EVI5: variants seen among roughly 807,000 people sequenced by gnomAD.
EVI5 encodes ecotropic viral integration site 5 protein homolog.
A neutral mutation model predicts 112.0 loss-of-function variants in EVI5; 73 were observed. The observed-to-expected ratio is 0.65, with a 90% CI of 0.54 to 0.79. The LOEUF (loss-of-function observed/expected upper bound fraction) is 0.79, where lower values mean the gene tolerates loss of function less well. Among genes scored for constraint, EVI5 ranks in the 30% least tolerant of loss-of-function variants. EVI5 has a pLI of 0.00. For missense variants in EVI5, 900 were observed against 968.8 expected (o/e 0.93, Z 0.94); for synonymous variants, 305 against 319.9 (o/e 0.95, Z 0.50).
intron 19 of EVI5, among the ~76,000 whole-genome samples, chr1:92,517,589 T>C (rs755060203): frequency 2.6e-5 from 4 of 152,214 alleles, no homozygotes; most frequent in Non-Finnish European, 5.9e-5. Flanking sequence ...TATGTAGAAA[T>C]GGATGCGATC....
intron 19 of EVI5, among the ~76,000 whole-genome samples, chr1:92,554,303 G>A (rs988638201): frequency 1.3e-5 from 2 of 152,088 alleles, no homozygotes; most frequent in Admixed American, 6.6e-5. Flanking sequence ...TTAATATGTC[G>A]CCATTAAATG....
At chr1:92,535,373 A>G (rs1356300727) in intron 19 of EVI5, among the ~76,000 whole-genome samples, 1 of 152,208 alleles carries the variant, frequency 6.6e-6, no homozygotes, top group African/African-American at 2.4e-5. Context: ...ATCTAGAACT[A>G]GAAATACCAT....
At chr1:92,681,610 A>G (rs1294591261) in intron 9 of EVI5, among the ~76,000 whole-genome samples, 8 of 152,182 alleles carry the variant, frequency 5.3e-5, no homozygotes, top group Admixed American at 3.3e-4. Context: ...TACAGCAAAG[A>G]GTAAAACTTT....
chr1:92,616,954 A>C (rs1653327591), intron 16 of EVI5, among the ~76,000 whole-genome samples: 1 of 152,194 alleles, frequency 6.6e-6, no homozygotes, highest in South Asian at 2.1e-4. Context: ...GGGACAAGTA[A>C]GTTTCATGAG....
chr1:92,605,528 T>C (rs1650187979), intron 17 of EVI5, 126 bp from the exon 18 acceptor site: 4 of 632,738 alleles, frequency 6.3e-6, no homozygotes, highest in East Asian at 2.6e-5. Context: ...GCAGCATCCA[T>C]AATGAAACAA....
At chr1:92,614,219 C>G (rs767577253) in intron 16 of EVI5, among the ~76,000 whole-genome samples, 1 of 152,068 alleles carries the variant, frequency 6.6e-6, no homozygotes, top group Non-Finnish European at 1.5e-5. Context: ...AAAAATGTGC[C>G]CATTTCCAGG....
intron 16 of EVI5, among the ~76,000 whole-genome samples, chr1:92,613,045 A>G (rs1201946085): frequency 1.3e-5 from 2 of 152,238 alleles, no homozygotes; most frequent in Non-Finnish European, 2.9e-5. Context: ...GAAGGGGAAT[A>G]GCAGTCACTA....
intron 1 of EVI5, among the ~76,000 whole-genome samples, chr1:92,738,881 T>C (rs953465614): frequency 1.3e-5 from 2 of 152,154 alleles, no homozygotes; most frequent in East Asian, 1.9e-4. Context: ...CTAGGGTAAA[T>C]TGAGGTCACA....
rs146514486 is a variant in EVI5 at position 92,523,352 on chromosome 1, T to C, written c.2167-9382A>G. ...ACCCTGGCAACCATGGACTATTTAA[T>C]TGGAAGCAAATGAAAAAGGATTTTT... On this transcript the variant is annotated intron_variant, in intron 19 of 19. Transcript: ENST00000684568. Among the ~76,000 whole-genome samples the C allele has an allele frequency of 1.8e-3, 279 of 152,200 alleles. 1 individual carries two copies. Among genetic ancestry groups the C allele is most frequent in the African/African-American group, 6.0e-3 (251 of 41,536 alleles).
chr1:92,677,765 T>C (rs1666979816), intron 9 of EVI5, among the ~76,000 whole-genome samples: 1 of 152,224 alleles, frequency 6.6e-6, no homozygotes, highest in Non-Finnish European at 1.5e-5. Flanking sequence ...GGTGAAAGTT[T>C]AAGCATAGTC....
chr1:92,725,597 C>A (rs373608774), intron 2 of EVI5, among the ~76,000 whole-genome samples: 2 of 152,180 alleles, frequency 1.3e-5, no homozygotes, highest in East Asian at 3.9e-4. Context: ...ATGGCACACA[C>A]CTGTAGTCCC....
intron 1 of EVI5, among the ~76,000 whole-genome samples, chr1:92,781,753 G>A (rs914129291): frequency 4.6e-5 from 7 of 151,884 alleles, no homozygotes; most frequent in African/African-American, 1.4e-4. Flanking sequence ...CCAGGAGTTC[G>A]AGACCAGCCT....
intron 2 of EVI5, among the ~76,000 whole-genome samples, chr1:92,713,213 T>C (rs1673101181): frequency 6.6e-6 from 1 of 151,986 alleles, no homozygotes; most frequent in Admixed American, 6.6e-5. Flanking sequence ...CTAGTACATA[T>C]TTTACTCTTA....
chr1:92,513,922 C>T lies in EVI5; in HGVS notation c.2215G>A (p.Asp739Asn), dbSNP rs773066792. ...QRGFSGQPPF[D>N]GIHIVNHLIG... ...AAATGGTTGACAATGTGGATTCCAT[C>T]AAAAGGAGGTTGGCCTGAGAAGCCC... Residue 739 changes from aspartate (D) to asparagine (N), a missense_variant, in exon 20 of 20, where the codon GAT (aspartate) becomes AAT (asparagine). Asp to Asn is a conservative substitution (Grantham distance 23). Coordinates refer to ENST00000684568, the MANE Select transcript of EVI5 (RefSeq NM_001350197.2). 2 of 1,595,588 alleles carry T rather than the reference C, an allele frequency of 1.3e-6. No individual in the cohort carries two copies. The highest frequency in any genetic ancestry group is 8.6e-7 in the Non-Finnish European group (1 of 1,168,000).
chr1:92,663,319 T>C (rs1021072353), intron 12 of EVI5, 101 bp downstream of exon 12: 39 of 517,062 alleles, frequency 7.5e-5, no homozygotes, highest in Non-Finnish European at 1.2e-4. Flanking sequence ...GAAAAACGCA[T>C]GTAAAATTGC....
intron 18 of EVI5, among the ~76,000 whole-genome samples, chr1:92,592,271 C>A (rs1167258904): frequency 2.6e-5 from 4 of 152,130 alleles, no homozygotes; most frequent in African/African-American, 9.7e-5. Context: ...GAAACTCACT[C>A]AAAACTGCTC....
At chr1:92,645,534 A>G (rs1660779082) in intron 13 of EVI5, among the ~76,000 whole-genome samples, 1 of 152,106 alleles carries the variant, frequency 6.6e-6, no homozygotes, top group African/African-American at 2.4e-5. Flanking sequence ...GTAATTTCTA[A>G]TCTTTGCAAC....
At position 92,520,454 on chromosome 1, in the gene EVI5, T is replaced by C. The variant is rs1052003209; in HGVS notation, c.2167-6484A>G. On this transcript the variant is annotated intron_variant, in intron 19 of 19. Coordinates refer to ENST00000684568, the MANE Select transcript of EVI5 (RefSeq NM_001350197.2). ...AATTAATCTAACAAAAATCATTACA[T>C]TAGTAGCATGGTGGGATAAAAAGTC... Among the ~76,000 whole-genome samples, 9 of 152,226 alleles carry C rather than the reference T, an allele frequency of 5.9e-5. 1 individual carries two copies. The highest frequency in any genetic ancestry group is 3.9e-4 in the Admixed American group (6 of 15,304).
chr1:92,731,463 T>C (rs916672557), intron 2 of EVI5, among the ~76,000 whole-genome samples: 1 of 152,342 alleles, frequency 6.6e-6, no homozygotes, highest in East Asian at 1.9e-4. Context: ...GAGAAATACA[T>C]TGTGTTCATG....
Sources: allele counts gnomAD v4.1 joint callset (sites outside exome capture counted in the v4.1 genomes callset), GRCh38; gene constraint gnomAD v4.1.1; transcripts MANE v1.5; gene names NCBI Gene and HGNC (gene_info 2026-07-23, HGNC 2026-07-21).